The following CFI variants were observed in gnomAD, a reference collection of about 807,000 sequenced individuals.
CFI encodes C3B/C4B inactivator.
A neutral mutation model predicts 78.8 loss-of-function variants in CFI; 66 were observed. The ratio of observed to expected loss-of-function variants is 0.84; its 90% CI spans 0.69 to 1.03. The LOEUF (loss-of-function observed/expected upper bound fraction) is 1.03. CFI is among the 50% of genes least tolerant of loss of function. The probability of loss-of-function intolerance (pLI) is 0.00; values close to 1 mark genes in which losing one functional copy is unlikely to be tolerated. For synonymous variants in CFI, 250 were observed against 232.6 expected (o/e 1.07, Z -0.68); for missense variants, 706 against 704.5 (o/e 1.00, Z -0.02).
intron 6 of CFI, among the ~76,000 whole-genome samples, chr4:109,759,337 T>C (rs1462262361): frequency 1.3e-5 from 2 of 152,074 alleles, no homozygotes; most frequent in Non-Finnish European, 2.9e-5. Context: ...AAGAAGACTT[T>C]AAAAACGTAA....
chr4:109,800,780 CAT>C (rs142954165), intron 1 of CFI, among the ~76,000 whole-genome samples: 2,094 of 152,050 alleles, frequency 0.014, 91 homozygotes, highest in East Asian at 0.12. Flanking sequence ...AACACACATA[CAT>C]ATGTGTGTGT....
intron 1 of CFI, among the ~76,000 whole-genome samples, chr4:109,795,605 T>A (rs1371116703): frequency 1.3e-5 from 2 of 152,028 alleles, no homozygotes; most frequent in Non-Finnish European, 2.9e-5. Context: ...GATAAACAAC[T>A]ACACAAAATT....
chr4:109,794,926 G>C (rs1731866555), intron 1 of CFI, among the ~76,000 whole-genome samples: 1 of 152,132 alleles, frequency 6.6e-6, no homozygotes, highest in Non-Finnish European at 1.5e-5. Flanking sequence ...AAATGTCCCA[G>C]CACTTGTCTT....
At chr4:109,753,472 AATAAATATT>A (rs1427899243) in intron 7 of CFI, among the ~76,000 whole-genome samples, 4 of 89,366 alleles carry the variant, frequency 4.5e-5, no homozygotes, top group African/African-American at 1.4e-4. Context: ...TATTTATATT[AATAAATATT>A]TATAATAAAT....
At chr4:109,740,626 G>A (rs180881103), downstream of CFI, 567 of 451,468 alleles carry the variant, frequency 1.3e-3, 2 homozygotes, top group Non-Finnish European at 1.6e-3. Context: ...TCAATTAGTT[G>A]TAACTTCAGT....
rs201477752 is a variant in CFI, at chr4:109,783,814, T to G, written c.58-16990A>C. Among the ~76,000 whole-genome samples the G allele has an allele frequency of 1.2e-3, 144 of 118,212 alleles. 7 individuals carry two copies. The highest frequency in any genetic ancestry group is 4.2e-3 in the African/African-American group (123 of 29,486). The allele number at this position is 118,212 out of a possible 152,430, so 77.6% of individuals were successfully genotyped here. ...CAATGAGTGGATAAAGAAACTGTGA[T>G]ATATATATATATATATATATGATGG... On this transcript the variant is annotated intron_variant, in intron 1 of 12. Transcript: ENST00000394634.
At chr4:109,766,440 A>C (rs1214807489) in intron 2 of CFI, 114 bp downstream of exon 2, 8 of 1,280,722 alleles carry the variant, frequency 6.2e-6, no homozygotes, top group Non-Finnish European at 7.8e-6. Flanking sequence ...AGTCTAGAAA[A>C]AAATTTTGAG....
At chr4:109,778,359 G>A (rs2125839754) in intron 1 of CFI, among the ~76,000 whole-genome samples, 1 of 152,228 alleles carries the variant, frequency 6.6e-6, no homozygotes, top group East Asian at 1.9e-4. Flanking sequence ...ACACCTCTAT[G>A]CAAATAAACT....
downstream of CFI, among the ~76,000 whole-genome samples, chr4:109,740,184 G>A (rs185722550): frequency 5.3e-5 from 8 of 152,108 alleles, no homozygotes; most frequent in South Asian, 2.1e-4. Context: ...CCAGCTACTC[G>A]GGAGACTGGG....
chr4:109,754,295 A>G (rs930019112), intron 7 of CFI, among the ~76,000 whole-genome samples: 24 of 151,774 alleles, frequency 1.6e-4, no homozygotes, highest in African/African-American at 5.6e-4. Flanking sequence ...CAAGGTGTTA[A>G]CATAAGGTAG....
At chr4:109,751,585 G>A (rs1725145377) in intron 8 of CFI, among the ~76,000 whole-genome samples, 1 of 151,816 alleles carries the variant, frequency 6.6e-6, no homozygotes, top group African/African-American at 2.4e-5. Context: ...GGGATTACAG[G>A]CACCTGCTAC....
rs539039939 is a variant in CFI, at chr4:109,780,312, A to C, written c.58-13488T>G. Among the ~76,000 whole-genome samples, 30 of 152,082 alleles carry C rather than the reference A, an allele frequency of 2.0e-4. No homozygotes were observed. The South Asian group carries it at 6.0e-3, about 31-fold the overall frequency. ...AACAAATTTACAAGAAAAAATAAAAAAACCCCATCAAAAAGTGGTCGAAGG... is the reference window on the plus strand; with the variant it reads ...AACAAATTTACAAGAAAAAATAAAACAACCCCATCAAAAAGTGGTCGAAGG... On this transcript the variant is annotated intron_variant, in intron 1 of 12. Transcript: ENST00000394634.
chr4:109,754,801 G>T (rs536349878), intron 7 of CFI, among the ~76,000 whole-genome samples: 1 of 152,290 alleles, frequency 6.6e-6, no homozygotes, highest in East Asian at 1.9e-4. Flanking sequence ...CACATTCAAT[G>T]CCCAACAAAG....
At chr4:109,768,208 A>T (rs1316307863) in intron 1 of CFI, among the ~76,000 whole-genome samples, 1 of 150,036 alleles carries the variant, frequency 6.7e-6, no homozygotes, top group East Asian at 2.0e-4. Flanking sequence ...GGTGCAGCAC[A>T]CCAACATGGC....
At chr4:109,796,596 G>A (rs1228427664) in intron 1 of CFI, among the ~76,000 whole-genome samples, 1 of 152,206 alleles carries the variant, frequency 6.6e-6, no homozygotes, top group South Asian at 2.1e-4. Context: ...GAGGCCAGGA[G>A]TTTGAGACTA....
At chr4:109,797,982 A>G (rs1326316570) in intron 1 of CFI, among the ~76,000 whole-genome samples, 4 of 152,214 alleles carry the variant, frequency 2.6e-5, no homozygotes, top group Non-Finnish European at 5.9e-5. Flanking sequence ...ATATACATGC[A>G]ATGAAATATT....
chr4:109,768,978 C>T lies in CFI; in HGVS notation c.58-2154G>A, dbSNP rs181647926. 2.4e-3 allele frequency among the ~76,000 whole-genome samples: 361 copies of T among 151,614 alleles called. 1 individual carries two copies. The highest frequency in any genetic ancestry group is 8.4e-3 in the African/African-American group (350 of 41,492). Reference sequence around the variant, plus strand: ...GATCTAGAATGAAATATGCCAGTTACGCACTTTTCATGGTTCCACGTATCT... The same window carrying T: ...GATCTAGAATGAAATATGCCAGTTATGCACTTTTCATGGTTCCACGTATCT... On this transcript the variant is annotated intron_variant, in intron 1 of 12. Coordinates refer to ENST00000394634, the MANE Select transcript of CFI (RefSeq NM_000204.5).
chr4:109,780,782 C>T (rs1051470158), intron 1 of CFI, among the ~76,000 whole-genome samples: 14 of 152,032 alleles, frequency 9.2e-5, no homozygotes, highest in African/African-American at 1.2e-4. Context: ...ATTAAGAAAA[C>T]GTGGAACATA....
chr4:109,772,268 C>T (rs555475959), intron 1 of CFI, among the ~76,000 whole-genome samples: 24 of 152,320 alleles, frequency 1.6e-4, no homozygotes, highest in Non-Finnish European at 3.1e-4. Context: ...TGTATCTCAA[C>T]GTCTAGAACA....
Sources: allele counts gnomAD v4.1 joint callset (sites outside exome capture counted in the v4.1 genomes callset), GRCh38; gene constraint gnomAD v4.1.1; transcripts MANE v1.5; gene names NCBI Gene and HGNC (gene_info 2026-07-23, HGNC 2026-07-21).